Variants in SUMF1 observed in about 807,000 individuals in gnomAD.
SUMF1 encodes the protein sulfatase modifying factor 1.
In SUMF1, 48 loss-of-function variants were observed where a neutral mutation model predicts 47.6. That is an observed-to-expected ratio of 1.01 (90% confidence interval 0.80 to 1.28). The LOEUF (loss-of-function observed/expected upper bound fraction) is 1.28. Ranked by LOEUF, SUMF1 falls within the 50% of genes most tolerant of loss-of-function variation. The pLI, the probability that SUMF1 is intolerant of heterozygous loss-of-function variation, is 0.00. For missense variants in SUMF1, 571 were observed against 485.4 expected (o/e 1.18, Z -1.66); for synonymous variants, 230 against 192.1 (o/e 1.20, Z -1.63).
chr3:4,456,658 G>A (rs62231419), intron 1 of SUMF1, among the ~76,000 whole-genome samples: 5,792 of 125,958 alleles, frequency 0.046, 231 homozygotes, highest in East Asian at 0.12. Flanking sequence ...ATATGTGTGT[G>A]TATATATATA....
intron 8 of SUMF1, among the ~76,000 whole-genome samples, chr3:4,248,309 A>C (rs1355716086): frequency 2.0e-5 from 3 of 152,228 alleles, no homozygotes; most frequent in Non-Finnish European, 4.4e-5. Flanking sequence ...TTTAACTACA[A>C]GAACCACACA....
chr3:4,448,512 T>C (rs1372356781), intron 3 of SUMF1, among the ~76,000 whole-genome samples: 2 of 152,286 alleles, frequency 1.3e-5, no homozygotes, highest in Admixed American at 6.5e-5. Context: ...TCTACCCTCT[T>C]TGTTTTGTGA....
chr3:4,168,866 G>C (rs1257193739), intron 8 of SUMF1, among the ~76,000 whole-genome samples: 1 of 152,154 alleles, frequency 6.6e-6, no homozygotes, highest in African/African-American at 2.4e-5. Context: ...ATAAATGAAT[G>C]AATATCAATT....
At chr3:4,073,051 A>G (rs1294394111) in intron 8 of SUMF1, among the ~76,000 whole-genome samples, 1 of 152,216 alleles carries the variant, frequency 6.6e-6, no homozygotes, top group Admixed American at 6.5e-5. Context: ...ACCAAGGTTT[A>G]AATGAAGGAA....
intron 9 of SUMF1, among the ~76,000 whole-genome samples, chr3:4,065,484 T>C (rs1695354836): frequency 6.6e-6 from 1 of 152,170 alleles, no homozygotes; most frequent in Admixed American, 6.5e-5. Flanking sequence ...AGAACCGTAT[T>C]TTTAAAAATA....
At chr3:4,340,126 AAC>A (rs1382212610) in intron 8 of SUMF1, among the ~76,000 whole-genome samples, 1 of 133,730 alleles carries the variant, frequency 7.5e-6, no homozygotes, top group Non-Finnish European at 1.6e-5. Flanking sequence ...CACACACACA[AAC>A]ACACACACGC....
At chr3:4,305,510 T>C (rs533598041) in intron 8 of SUMF1, among the ~76,000 whole-genome samples, 1 of 152,332 alleles carries the variant, frequency 6.6e-6, no homozygotes, top group Non-Finnish European at 1.5e-5. Context: ...ATCTCCTTGT[T>C]GTGGAAAGAA....
intron 9 of SUMF1, among the ~76,000 whole-genome samples, chr3:4,036,651 C>T (rs1694803243): frequency 6.6e-6 from 1 of 150,780 alleles, no homozygotes. Flanking sequence ...CAACCAAGAC[C>T]TGCTCAGTCC....
chr3:4,401,139 T>C (rs765544186), intron 7 of SUMF1, among the ~76,000 whole-genome samples: 1 of 152,108 alleles, frequency 6.6e-6, no homozygotes, highest in African/African-American at 2.4e-5. Context: ...ACAAAGGACA[T>C]GAACTCATCA....
intron 7 of SUMF1, among the ~76,000 whole-genome samples, chr3:4,403,046 C>T (rs1479263914): frequency 2.6e-5 from 4 of 152,182 alleles, no homozygotes; most frequent in Non-Finnish European, 4.4e-5. Flanking sequence ...AGTAGGATAG[C>T]ACTGACAGCA....
At chr3:4,389,089 T>C (rs1700766855) in intron 7 of SUMF1, among the ~76,000 whole-genome samples, 1 of 152,198 alleles carries the variant, frequency 6.6e-6, no homozygotes, top group Non-Finnish European at 1.5e-5. Context: ...GTTCCTTCTT[T>C]AATCATTTTC....
At chr3:4,285,635 T>G (rs1370698038) in intron 8 of SUMF1, among the ~76,000 whole-genome samples, 1 of 152,174 alleles carries the variant, frequency 6.6e-6, no homozygotes, top group Non-Finnish European at 1.5e-5. Context: ...TGTATAGGTA[T>G]GTAATAGATT....
At chr3:4,044,551 T>C (rs1442716308) in intron 9 of SUMF1, among the ~76,000 whole-genome samples, 1 of 152,250 alleles carries the variant, frequency 6.6e-6, no homozygotes, top group East Asian at 1.9e-4. Context: ...AAATTATCCA[T>C]GCTCAATTAA....
chr3:4,412,785 G>A (rs183056554), intron 6 of SUMF1, among the ~76,000 whole-genome samples: 2 of 152,110 alleles, frequency 1.3e-5, no homozygotes, highest in Non-Finnish European at 2.9e-5. Context: ...AGCTACTCAG[G>A]AGGCTGAGGT....
At chr3:4,454,513 A>G (rs895994304) in intron 1 of SUMF1, among the ~76,000 whole-genome samples, 2 of 152,214 alleles carry the variant, frequency 1.3e-5, no homozygotes, top group African/African-American at 4.8e-5. Context: ...TGCTTTGGAA[A>G]ACAGTCTGGC....
At chr3:4,112,239 T>A (rs138307242) in intron 8 of SUMF1, among the ~76,000 whole-genome samples, 1 of 152,248 alleles carries the variant, frequency 6.6e-6, no homozygotes, top group East Asian at 1.9e-4. Context: ...GTACACCAGA[T>A]ACATAAAATA....
intron 3 of SUMF1, among the ~76,000 whole-genome samples, chr3:4,442,793 T>C (rs1239726421): frequency 1.3e-5 from 2 of 151,978 alleles, no homozygotes; most frequent in African/African-American, 4.8e-5. Flanking sequence ...CCCTGAACCA[T>C]GTCTCTTTCT....
intron 8 of SUMF1, among the ~76,000 whole-genome samples, chr3:4,145,066 A>G (rs374381658): frequency 3.0e-4 from 45 of 152,008 alleles, no homozygotes; most frequent in African/African-American, 1.0e-3. Context: ...GGGTGCAGTG[A>G]CAGGCACCTG....
rs748118171 is a variant in SUMF1 at position 4,418,108 on chromosome 3, C to T, written c.627G>A (p.Val209=). The T allele has an allele frequency of 2.5e-6, 4 of 1,614,102 alleles. No individual in the cohort carries two copies. The highest frequency in any genetic ancestry group is 2.5e-6 in the Non-Finnish European group (3 of 1,180,020). ...AGTAGGCAACCGCATCATTCCAGGA[C>T]ACATGGAGAACTGGATGATCCGGCC... ...LHRPDHPVLH[V]SWNDAVAYCT... The change falls in exon 5 of 9, where the codon GTG becomes GTA. Residue 209 remains valine (V), a synonymous_variant. Coordinates refer to ENST00000272902, the MANE Select transcript of SUMF1 (RefSeq NM_182760.4).
Sources: gnomAD v4.1 joint callset for allele counts (sites outside exome capture counted in the v4.1 genomes callset) on GRCh38, gnomAD v4.1.1 for gene constraint, MANE v1.5 for transcripts, NCBI Gene and HGNC (gene_info 2026-07-23, HGNC 2026-07-21) for gene names.